The following ANKRD13D variants were observed in gnomAD, a reference collection of about 807,000 sequenced individuals.
ANKRD13D encodes the protein ankyrin repeat domain-containing protein 13D.
A neutral mutation model predicts 68.8 loss-of-function variants in ANKRD13D; 24 were observed. That is an observed-to-expected ratio of 0.35 (90% CI 0.25 to 0.49). ANKRD13D has a LOEUF of 0.49. Ranked by LOEUF, ANKRD13D falls within the 20% of genes least tolerant of loss-of-function variation. The probability of loss-of-function intolerance (pLI) is 0.99; values close to 1 mark genes in which losing one functional copy is unlikely to be tolerated. For synonymous variants in ANKRD13D, 331 were observed against 336.1 expected (o/e 0.98, Z 0.16); for missense variants, 735 against 832.1 (o/e 0.88, Z 1.44).
intron 6 of ANKRD13D, among the ~76,000 whole-genome samples, chr11:67,296,880 C>A (rs1358052214): frequency 6.6e-6 from 1 of 152,106 alleles, no homozygotes; most frequent in African/African-American, 2.4e-5. Flanking sequence ...CCTTGGCCTC[C>A]CAAAGCACTG....
In ANKRD13D at chr11:67,301,044, G is replaced by C; in HGVS notation, c.1128G>C (p.Gln376His). 1.6e-5 allele frequency: 26 copies of C among 1,614,042 alleles called. No homozygotes were observed. Among genetic ancestry groups the C allele is most frequent in the Non-Finnish European group, 2.1e-5 (25 of 1,180,032 alleles). The change falls in exon 11 of 15, where the codon CAG becomes CAC. Residue 376 changes from glutamine (Q) to histidine (H), a missense_variant. Coordinates refer to ENST00000511455, the MANE Select transcript of ANKRD13D (RefSeq NM_207354.3). The surrounding 1 kb of genome is among the most constrained non-coding windows in gnomAD (Gnocchi z 4.5). ...AGCACCCGCTCTCCCTGGGTGACCA[G>C]GTGACCCCCATCATCGACCTAATGG... ...SEEHPLSLGD[Q>H]VTPIIDLMAI...
At chr11:67,293,632 A>G (rs1860661718) in intron 6 of ANKRD13D, among the ~76,000 whole-genome samples, 1 of 152,222 alleles carries the variant, frequency 6.6e-6, no homozygotes, top group Non-Finnish European at 1.5e-5. Flanking sequence ...CTACAGGTGC[A>G]TGCTGCCATG....
chr11:67,298,028 TCTATC>T (rs1860828471), intron 6 of ANKRD13D: 1 of 152,000 alleles, frequency 6.6e-6, no homozygotes, highest in Admixed American at 6.6e-5. Flanking sequence ...TTGTATGACT[TCTATC>T]CTTTCAATTT....
intron 3 of ANKRD13D, chr11:67,290,757 G>T: frequency 3.1e-6 from 1 of 324,070 alleles, no homozygotes. Context: ...TGGAATACTT[G>T]CTACTACGCA....
At chr11:67,289,722 C>A in intron 1 of ANKRD13D, 172 bp downstream of exon 1, 1 of 1,377,772 alleles carries the variant, frequency 7.3e-7, no homozygotes, top group Non-Finnish European at 9.5e-7. Flanking sequence ...GCGCCTGAGC[C>A]TCTGGCCTCC....
intron 6 of ANKRD13D, among the ~76,000 whole-genome samples, chr11:67,292,695 CA>C (rs777625374): frequency 3.7e-4 from 57 of 152,120 alleles, no homozygotes; most frequent in Middle Eastern, 3.4e-3. Context: ...TTAAAGCATA[CA>C]GTTCAATGAC....
In ANKRD13D at chr11:67,300,637, A is replaced by G; in HGVS notation, c.1074-353A>G. 4.4e-6 allele frequency: 2 copies of G among 454,446 alleles called. No individual in the cohort carries two copies. The highest frequency in any genetic ancestry group is 9.2e-5 in the South Asian group (2 of 21,852). The allele number at this position is 454,446 out of a possible 1,614,324, so 28.2% of individuals were successfully genotyped here. The stretch of plus-strand genomic sequence containing the variant: ...CTTGCCCTGGGGTGTGCTGGACATA[A>G]AAGTTTGGCAACACGTGAGCTGGTG... On this transcript the variant is annotated intron_variant, in intron 10 of 14. Coordinates refer to ENST00000511455, the MANE Select transcript of ANKRD13D (RefSeq NM_207354.3). The surrounding 1 kb of genome is among the most constrained non-coding windows in gnomAD (Gnocchi z 4.3).
chr11:67,291,871 C>T (rs1389599562), intron 5 of ANKRD13D, 120 bp from the exon 6 acceptor site: 3 of 1,513,218 alleles, frequency 2.0e-6, no homozygotes, highest in Non-Finnish European at 2.7e-6. Context: ...GGAGGGGCAT[C>T]CAGGGGCCAA....
At position 67,299,926 on chromosome 11, in the gene ANKRD13D, GC is replaced by G; in HGVS notation, c.942+40del. On this transcript the variant is annotated intron_variant, in intron 9 of 14. Coordinates refer to ENST00000511455, the MANE Select transcript of ANKRD13D (RefSeq NM_207354.3). The surrounding 1 kb of genome is among the most constrained non-coding windows in gnomAD (Gnocchi z 6.2). ...TGGGCCGAGACAGGGCTGGCGGGGG[GC>G]CGAGCCTGGGCGGGAGGGCACCCTC... 1.3e-6 allele frequency: 2 copies of G among 1,564,656 alleles called. No homozygotes were observed. The highest frequency in any genetic ancestry group is 8.7e-7 in the Non-Finnish European group (1 of 1,152,446).
At position 67,291,475 on chromosome 11, in the gene ANKRD13D, G is replaced by C; in HGVS notation, c.352-1G>C. On this transcript the variant is annotated splice_acceptor_variant, in intron 3 of 14. Transcript: ENST00000511455. LOFTEE classifies it high-confidence loss of function. Reference sequence around the variant, plus strand: ...TGACAAGCAGCTCTGGTTTCTCTTAGGCCCCCGATTTCTACGTTGAGATGA... The same window carrying C: ...TGACAAGCAGCTCTGGTTTCTCTTACGCCCCCGATTTCTACGTTGAGATGA... 6.2e-7 allele frequency: 1 copy of C among 1,613,874 alleles called. No individual in the cohort carries two copies. The highest frequency in any genetic ancestry group is 8.5e-7 in the Non-Finnish European group (1 of 1,179,958).
chr11:67,302,273 G>T lies in ANKRD13D; in HGVS notation c.1759G>T (p.Gly587Trp), dbSNP rs534474099. 406 of 1,567,792 alleles carry T rather than the reference G, an allele frequency of 2.6e-4. 5 individuals are homozygous for T. In the South Asian group the frequency reaches 4.5e-3, roughly 18 times the overall value. Reference protein sequence around the residue: ...SREQEERERRGQQEEEDLQRI... With the variant: ...SREQEERERRWQQEEEDLQRI... ...GGAGCAGGAGGAGCGGGAGCGGCGC[G>T]GGCAGCAGGAGGAGGAGGACTTACA... Residue 587 changes from glycine (G) to tryptophan (W), a missense_variant, in exon 15 of 15, where the codon GGG becomes TGG. Gly to Trp is a radical substitution (Grantham distance 184). Transcript: ENST00000511455.
At chr11:67,294,577 A>G (rs1016604516) in intron 6 of ANKRD13D, among the ~76,000 whole-genome samples, 7 of 148,880 alleles carry the variant, frequency 4.7e-5, no homozygotes, top group Admixed American at 1.3e-4. Flanking sequence ...GTCTCACTCT[A>G]TTGCCCAGGC....
chr11:67,296,391 A>G (rs144422673), intron 6 of ANKRD13D, among the ~76,000 whole-genome samples: 2 of 151,226 alleles, frequency 1.3e-5, no homozygotes, highest in African/African-American at 4.8e-5. Context: ...TTTTGTTGTT[A>G]TATTTACCAA....
rs1278844016 is a variant in ANKRD13D, at chr11:67,291,668, C to T, written c.463C>T (p.Arg155Ter). The T allele has an allele frequency of 3.7e-6, 6 of 1,614,080 alleles. No individual in the cohort carries two copies. The highest frequency in any genetic ancestry group is 1.1e-5 in the South Asian group (1 of 91,088). Reference protein sequence around the residue: ...YRVWKRGESLRVDTSLLGFEH... With the variant: ...YRVWKRGESL ...CGTGTGGAAGCGGGGTGAGAGCCTGCGAGTAGACACCAGTCTCCTGGGCTT... is the reference window on the plus strand; with the variant it reads ...CGTGTGGAAGCGGGGTGAGAGCCTGTGAGTAGACACCAGTCTCCTGGGCTT... The change falls in exon 5 of 15, where the codon CGA becomes TGA. Residue 155 changes from arginine to a stop codon, truncating the protein, a stop_gained. Coordinates refer to ENST00000511455, the MANE Select transcript of ANKRD13D (RefSeq NM_207354.3). LOFTEE classifies it high-confidence loss of function.
rs985916761 is a variant in ANKRD13D at position 67,293,008 on chromosome 11, A to T, written c.731+828A>T. 2.6e-5 allele frequency among the ~76,000 whole-genome samples: 4 copies of T among 152,172 alleles called. No homozygotes were observed. In the South Asian group the frequency reaches 8.3e-4, roughly 31 times the overall value. On this transcript the variant is annotated intron_variant, in intron 6 of 14. Coordinates refer to ENST00000511455, the MANE Select transcript of ANKRD13D (RefSeq NM_207354.3). The stretch of plus-strand genomic sequence containing the variant: ...AACTATTTCTTTCCTTTTTGTGGCC[A>T]TTGTATGAATATACCATATCTTGTT...
intron 6 of ANKRD13D, 149 bp downstream of exon 6, chr11:67,292,329 C>T: frequency 1.0e-6 from 1 of 978,082 alleles, no homozygotes; most frequent in East Asian, 2.8e-5. Context: ...GTTGCTGCAG[C>T]CCGTGTCTCA....
At position 67,302,195 on chromosome 11, in the gene ANKRD13D, G is replaced by A. The variant is rs767386730; in HGVS notation, c.1681G>A (p.Gly561Ser). 1.1e-5 allele frequency: 17 copies of A among 1,591,608 alleles called. No homozygotes were observed. Among genetic ancestry groups the A allele is most frequent in the Middle Eastern group, 2.0e-4 (1 of 4,896 alleles). ...CCCTCCCAGGACACCCCCAGCCCCC[G>A]GTCCACCCAGCTTTGAAGAGCAGCT... is the stretch of plus-strand genomic sequence containing the variant. ...GSPPRTPPAP[G>S]PPSFEEQLRL... The change falls in exon 15 of 15, where the codon GGT (glycine) becomes AGT (serine). Residue 561 changes from glycine to serine, a missense_variant. Coordinates refer to ENST00000511455, the MANE Select transcript of ANKRD13D (RefSeq NM_207354.3).
In ANKRD13D at chr11:67,300,633, CAT is replaced by C. The variant is rs1860941854; in HGVS notation, c.1074-355_1074-354del. 2.2e-6 allele frequency: 1 copy of C among 452,374 alleles called. No homozygotes were observed. Among genetic ancestry groups the C allele is most frequent in the African/African-American group, 2.0e-5 (1 of 50,158 alleles). 28.0% of individuals were successfully genotyped at this position (452,374 alleles called of 1,614,324 possible). ...CAGTCTTGCCCTGGGGTGTGCTGGA[CAT>C]AAAAGTTTGGCAACACGTGAGCTGG... On this transcript the variant is annotated intron_variant, in intron 10 of 14. Transcript: ENST00000511455. This position sits in a 1 kb window ranked among gnomAD's most constrained non-coding sequence, Gnocchi z 4.3.
At chr11:67,289,753 G>T (rs1315389255) in intron 1 of ANKRD13D, 1 of 1,414,040 alleles carries the variant, frequency 7.1e-7, no homozygotes, top group South Asian at 1.5e-5. Flanking sequence ...GCTGGGCCTT[G>T]CCCTGCTCGC....
Sources: gnomAD v4.1 joint callset for allele counts (sites outside exome capture counted in the v4.1 genomes callset) on GRCh38, gnomAD v4.1.1 for gene constraint, Gnocchi (gnomAD v3.1) non-coding constraint, MANE v1.5 for transcripts, NCBI Gene and HGNC (gene_info 2026-07-23, HGNC 2026-07-21) for gene names.